The following PRELID2 variants were observed in gnomAD, a reference collection of about 807,000 sequenced individuals.
PRELID2 encodes the protein PRELI domain-containing protein 2.
PRELID2 carries 25 observed loss-of-function variants against 28.4 expected under a neutral mutation model. That is an observed-to-expected ratio of 0.88 (90% CI 0.64 to 1.23). The LOEUF is 1.23. PRELID2 is among the 50% of genes most tolerant of loss of function. The probability of loss-of-function intolerance (pLI) is 0.00; values close to 1 mark genes in which losing one functional copy is unlikely to be tolerated. For synonymous variants in PRELID2, 76 were observed against 71.6 expected, an observed-to-expected ratio of 1.06 and a Z score of -0.31; for missense variants, 201 against 214.4, an observed-to-expected ratio of 0.94 and a Z score of 0.39.
chr5:145,731,239 T>A (rs1756337494), intron 1 of PRELID2, among the ~76,000 whole-genome samples: 1 of 152,258 alleles, frequency 6.6e-6, no homozygotes, highest in Admixed American at 6.5e-5. Flanking sequence ...TACTCAGTTT[T>A]GAACATAAGG....
the PRELID2 span, among the ~76,000 whole-genome samples, chr5:145,358,425 C>T: frequency 4.6e-5 from 7 of 152,068 alleles, no homozygotes; most frequent in East Asian, 3.9e-4. Context: ...TGGGGTCACC[C>T]GCCCTTCCAT....
chr5:145,315,112 C>T, the PRELID2 span, among the ~76,000 whole-genome samples: 1 of 144,616 alleles, frequency 6.9e-6, no homozygotes, highest in Admixed American at 7.0e-5. Context: ...CTCTGTCACC[C>T]AGGCTGGAGT....
chr5:145,261,014 A>T, the PRELID2 span, among the ~76,000 whole-genome samples: 3 of 152,236 alleles, frequency 2.0e-5, no homozygotes, highest in Admixed American at 2.0e-4. Flanking sequence ...TGTGGGCTGC[A>T]TGGGAGCTAG....
intron 1 of PRELID2, among the ~76,000 whole-genome samples, chr5:145,663,291 G>A (rs749728773): frequency 6.6e-6 from 1 of 152,076 alleles, no homozygotes; most frequent in African/African-American, 2.4e-5. Context: ...CCAAGCTCAC[G>A]TGCAACCTCA....
chr5:145,445,902 C>T, the PRELID2 span, among the ~76,000 whole-genome samples: 4 of 151,812 alleles, frequency 2.6e-5, no homozygotes, highest in African/African-American at 2.4e-5. Flanking sequence ...AACTCTTCTA[C>T]ACTCATATAT....
At chr5:145,680,154 C>G (rs1009355674) in intron 1 of PRELID2, among the ~76,000 whole-genome samples, 3 of 152,124 alleles carry the variant, frequency 2.0e-5, no homozygotes, top group Admixed American at 2.0e-4. Context: ...GGGCACTACC[C>G]ATAGAGGTCC....
the PRELID2 span, among the ~76,000 whole-genome samples, chr5:145,234,424 C>T: frequency 1.3e-5 from 2 of 152,080 alleles, no homozygotes; most frequent in Non-Finnish European, 2.9e-5. Flanking sequence ...AGAGTAAATA[C>T]TTAATACCAG....
intron 1 of PRELID2, among the ~76,000 whole-genome samples, chr5:145,602,234 G>C (rs1272398305): frequency 1.3e-5 from 2 of 152,182 alleles, no homozygotes; most frequent in Admixed American, 6.5e-5. Context: ...CAAAGGTAGA[G>C]AGAAAAGTCC....
chr5:145,247,027 C>T, the PRELID2 span, among the ~76,000 whole-genome samples: 1 of 152,196 alleles, frequency 6.6e-6, no homozygotes, highest in South Asian at 2.1e-4. Context: ...TCCCAAATTG[C>T]TCCTGTGGAT....
At chr5:145,243,678 T>C in the PRELID2 span, among the ~76,000 whole-genome samples, 8 of 151,886 alleles carry the variant, frequency 5.3e-5, no homozygotes, top group Non-Finnish European at 8.8e-5. Context: ...ATAGTATATA[T>C]AGCCTTTTAA....
the PRELID2 span, among the ~76,000 whole-genome samples, chr5:145,253,768 T>C: frequency 1.3e-5 from 2 of 151,426 alleles, no homozygotes; most frequent in Non-Finnish European, 2.9e-5. Context: ...CCAGAGACAA[T>C]CATGAAACAT....
the PRELID2 span, among the ~76,000 whole-genome samples, chr5:145,300,890 T>A: frequency 3.3e-5 from 5 of 151,974 alleles, no homozygotes; most frequent in Non-Finnish European, 7.4e-5. Flanking sequence ...AAATGATTTA[T>A]ATGATTTTTA....
chr5:145,428,041 C>G, the PRELID2 span, among the ~76,000 whole-genome samples: 1 of 152,132 alleles, frequency 6.6e-6, no homozygotes, highest in Non-Finnish European at 1.5e-5. Context: ...TCACTGCAAT[C>G]TCTGCCTCCT....
Position 145,578,129 on chromosome 5 carries a change from A to G in PRELID2, n.71-104814T>C, listed in dbSNP as rs565382778. Among the ~76,000 whole-genome samples the G allele has an allele frequency of 2.0e-5, 3 of 152,224 alleles. No homozygotes were observed. In the South Asian group the frequency reaches 6.2e-4, roughly 32 times the overall value. ...GATATCTGGACAATTTGACCTTACT[A>G]CCACTAGAAACTTCATCCAAGGAGA... On this transcript the variant is annotated intron_variant and non_coding_transcript_variant, in intron 1 of 2. Coordinates refer to the PRELID2 transcript ENST00000510259.
At chr5:145,242,522 C>A in the PRELID2 span, among the ~76,000 whole-genome samples, 1 of 152,034 alleles carries the variant, frequency 6.6e-6, no homozygotes, top group Non-Finnish European at 1.5e-5. Flanking sequence ...TGCTACAAGG[C>A]AATCCAAGTA....
intron 1 of PRELID2, among the ~76,000 whole-genome samples, chr5:145,615,276 T>G (rs1356314745): frequency 6.6e-6 from 1 of 151,938 alleles, no homozygotes; most frequent in Non-Finnish European, 1.5e-5. Flanking sequence ...TTCCACCCCT[T>G]TACTTTAAGT....
the PRELID2 span, among the ~76,000 whole-genome samples, chr5:145,290,134 G>A: frequency 3.5e-3 from 540 of 152,174 alleles, 2 homozygotes; most frequent in African/African-American, 0.012. Context: ...AAATAGGAAC[G>A]CTTTTACACT....
intron 1 of PRELID2, among the ~76,000 whole-genome samples, chr5:145,638,298 G>A (rs1754037287): frequency 6.6e-6 from 1 of 151,956 alleles, no homozygotes; most frequent in African/African-American, 2.4e-5. Context: ...AATATATTCT[G>A]GCACTTGTGC....
At chr5:145,586,718 C>T (rs1753158443) in intron 1 of PRELID2, among the ~76,000 whole-genome samples, 1 of 152,108 alleles carries the variant, frequency 6.6e-6, no homozygotes, top group African/African-American at 2.4e-5. Flanking sequence ...GTAGGTCAGA[C>T]TCGCTAGATT....
Sources: gnomAD v4.1 joint callset for allele counts (sites outside exome capture counted in the v4.1 genomes callset) on GRCh38, gnomAD v4.1.1 for gene constraint, MANE v1.5 for transcripts, NCBI Gene and HGNC (gene_info 2026-07-23, HGNC 2026-07-21) for gene names.